Variants in PCNT observed in about 807,000 individuals in gnomAD.
The protein encoded by PCNT is kendrin.
Under a neutral mutation model 380.4 loss-of-function variants are expected in PCNT, and 319 were observed. The ratio of observed to expected loss-of-function variants is 0.84; its 90% CI spans 0.77 to 0.92. PCNT has a LOEUF of 0.92. Among genes scored for constraint, PCNT ranks in the 40% least tolerant of loss-of-function variants. The pLI is 0.00. For synonymous variants in PCNT, 1,845 were observed against 1,735.2 expected, an observed-to-expected ratio of 1.06 and a Z score of -1.57; for missense variants, 4,400 against 4,255.3, an observed-to-expected ratio of 1.03 and a Z score of -0.95.
At chr21:46,339,866 G>C (rs1443655771) in intron 3 of PCNT, among the ~76,000 whole-genome samples, 1 of 152,054 alleles carries the variant, frequency 6.6e-6, no homozygotes, top group South Asian at 2.1e-4. Flanking sequence ...GGGATCTAGG[G>C]TTTTCTTCAA....
Position 46,354,015 on chromosome 21 carries a change from C to G in PCNT, c.1708C>G (p.Pro570Ala), listed in dbSNP as rs775754428. The change falls in exon 11 of 47, where the codon CCT becomes GCT. Residue 570 changes from proline to alanine, a missense_variant. By Grantham distance (27) the Pro-to-Ala change is conservative. Transcript: ENST00000359568. ...GLSCVGLEEK[P>A]EKGRKDHVDE... ...GTCCTGTGTGGGTTTAGAAGAGAAA[C>G]CTGAGAAAGGAAGAAAAGATCACGT... 1 of 1,613,922 alleles carries G rather than the reference C, an allele frequency of 6.2e-7. No homozygotes were observed. The highest frequency in any genetic ancestry group is 1.7e-5 in the Admixed American group (1 of 60,002).
chr21:46,374,662 C>T (rs1022736102), intron 15 of PCNT, among the ~76,000 whole-genome samples: 1 of 152,074 alleles, frequency 6.6e-6, no homozygotes, highest in Non-Finnish European at 1.5e-5. Context: ...CCAGCCTGAC[C>T]AACACAGAGA....
chr21:46,413,687 A>G (rs1219195406), intron 29 of PCNT, among the ~76,000 whole-genome samples: 1 of 152,210 alleles, frequency 6.6e-6, no homozygotes, highest in Non-Finnish European at 1.5e-5. Flanking sequence ...ACCTCAGCTC[A>G]GGACTTTGAT....
chr21:46,421,395 C>T (rs973417584), intron 31 of PCNT, among the ~76,000 whole-genome samples: 4 of 152,366 alleles, frequency 2.6e-5, no homozygotes, highest in South Asian at 2.1e-4. Flanking sequence ...GTTTCCAAAG[C>T]GCCCCCCTCC....
chr21:46,386,256 C>T (rs1433400537), intron 17 of PCNT, among the ~76,000 whole-genome samples: 1 of 152,234 alleles, frequency 6.6e-6, no homozygotes, highest in African/African-American at 2.4e-5. Flanking sequence ...CAGATTAAAA[C>T]CAGCCGTTAT....
chr21:46,441,604 C>T (rs1457098890), intron 43 of PCNT, among the ~76,000 whole-genome samples: 1 of 152,138 alleles, frequency 6.6e-6, no homozygotes, highest in East Asian at 1.9e-4. Context: ...GTACTCTCAG[C>T]TTCTCTGGTC....
chr21:46,375,035 A>G lies in PCNT; in HGVS notation c.3166-6659A>G, dbSNP rs562820913. ...TTGTCAGCAGTGTGACTTGACCTAC[A>G]CTTGTGGGGTGATTGGATTACTTTC... On this transcript the variant is annotated intron_variant, in intron 15 of 46. Transcript: ENST00000359568. Among the ~76,000 whole-genome samples the G allele has an allele frequency of 1.1e-4, 16 of 152,234 alleles. No homozygotes were observed. In the South Asian group the frequency reaches 3.3e-3, roughly 32 times the overall value.
intron 15 of PCNT, among the ~76,000 whole-genome samples, chr21:46,379,956 G>A (rs1018004495): frequency 2.0e-5 from 3 of 152,086 alleles, no homozygotes; most frequent in East Asian, 1.9e-4. Flanking sequence ...AGCCCTGCAC[G>A]TGTTCACACC....
chr21:46,406,587 T>C lies in PCNT; in HGVS notation c.5115+4104T>C, dbSNP rs563095952. Among the ~76,000 whole-genome samples, 333 of 152,330 alleles carry C rather than the reference T, an allele frequency of 2.2e-3. 2 individuals are homozygous for C. The highest frequency in any genetic ancestry group is 7.9e-3 in the African/African-American group (327 of 41,568). ...AGACAGTTTTATTTCTTTCCAATTT[T>C]TGTTATTTCCTTCTTTTATTACAAT... On this transcript the variant is annotated intron_variant, in intron 27 of 46. Transcript: ENST00000359568.
chr21:46,360,451 C>T (rs1426309885), intron 13 of PCNT, among the ~76,000 whole-genome samples: 2 of 143,112 alleles, frequency 1.4e-5, no homozygotes, highest in Admixed American at 7.2e-5. Flanking sequence ...TCTCGATCTC[C>T]TGACCTCGTG....
At chr21:46,441,554 T>C (rs896167000) in intron 43 of PCNT, among the ~76,000 whole-genome samples, 63 of 152,206 alleles carry the variant, frequency 4.1e-4, no homozygotes, top group African/African-American at 1.4e-3. Flanking sequence ...GGCTGCAGGC[T>C]GGGCCAAAGT....
chr21:46,358,002 GC>G (rs773080401), intron 13 of PCNT, among the ~76,000 whole-genome samples: 9 of 152,380 alleles, frequency 5.9e-5, no homozygotes, highest in Admixed American at 5.2e-4. Flanking sequence ...GGCCCGATGG[GC>G]TTGGTTACAG....
intron 32 of PCNT, among the ~76,000 whole-genome samples, chr21:46,422,451 G>A (rs1376529662): frequency 5.1e-5 from 7 of 138,364 alleles, no homozygotes; most frequent in Non-Finnish European, 9.0e-5. Context: ...CCTGTGCCCT[G>A]TAGAGAAGCC....
chr21:46,324,288 C>T lies in PCNT; in HGVS notation c.54+6C>T, dbSNP rs80017051. On this transcript the variant is annotated splice_donor_region_variant and intron_variant, in intron 1 of 46. Transcript: ENST00000359568. Reference sequence around the variant, plus strand: ...TGGAGGCCGGGAGGACGAAGGTAAACATTAGGGGCTTCTTCTCTAGCTGCT... The same window carrying T: ...TGGAGGCCGGGAGGACGAAGGTAAATATTAGGGGCTTCTTCTCTAGCTGCT... The T allele has an allele frequency of 0.055, 88,858 of 1,605,538 alleles. 2,873 individuals carry two copies. The highest frequency in any genetic ancestry group is 0.064 in the Non-Finnish European group (75,372 of 1,174,470).
chr21:46,351,609 C>T, intron 9 of PCNT, 69 bp downstream of exon 9: 1 of 938,624 alleles, frequency 1.1e-6, no homozygotes, highest in South Asian at 1.3e-5. Context: ...TGTTGTAACA[C>T]CAAGCCAGAA....
intron 15 of PCNT, among the ~76,000 whole-genome samples, chr21:46,376,817 G>A (rs554486972): frequency 9.8e-5 from 15 of 152,336 alleles, no homozygotes; most frequent in African/African-American, 3.4e-4. Flanking sequence ...TTTGTAGTGT[G>A]CACAGCTCAG....
At chr21:46,336,457 C>T (rs983286220) in intron 3 of PCNT, among the ~76,000 whole-genome samples, 1 of 152,192 alleles carries the variant, frequency 6.6e-6, no homozygotes, top group Non-Finnish European at 1.5e-5. Flanking sequence ...TTAGTGTAGC[C>T]TCAACATTTT....
intron 3 of PCNT, 57 bp from the exon 4 acceptor site, chr21:46,346,071 A>G (rs1207196433): frequency 2.0e-5 from 30 of 1,519,472 alleles, no homozygotes; most frequent in Non-Finnish European, 2.7e-5. Context: ...TCTTGAGCAC[A>G]TCACTGTGGC....
At chr21:46,426,955 G>A (rs2087534377) in intron 33 of PCNT, among the ~76,000 whole-genome samples, 1 of 152,176 alleles carries the variant, frequency 6.6e-6, no homozygotes, top group Non-Finnish European at 1.5e-5. Flanking sequence ...GGGAGGGTCA[G>A]CCCCACCCGC....
Sources: gnomAD v4.1 joint callset for allele counts (sites outside exome capture counted in the v4.1 genomes callset) on GRCh38, gnomAD v4.1.1 for gene constraint, MANE v1.5 for transcripts, NCBI Gene and HGNC (gene_info 2026-07-23, HGNC 2026-07-21) for gene names.